MTF2: variants seen among roughly 807,000 people sequenced by gnomAD.
The protein encoded by MTF2 is metal-response element-binding transcription factor 2.
Under a neutral mutation model 79.5 loss-of-function variants are expected in MTF2, and 11 were observed. That is an observed-to-expected ratio of 0.14 (90% CI 0.09 to 0.23). MTF2 has a LOEUF of 0.23. Among genes scored for constraint, MTF2 ranks in the 10% least tolerant of loss-of-function variants. The probability of loss-of-function intolerance (pLI) is 1.00; values close to 1 mark genes in which losing one functional copy is unlikely to be tolerated. For missense variants in MTF2, 486 were observed against 711.2 expected (o/e 0.68, Z 3.60); for synonymous variants, 208 against 232.8 (o/e 0.89, Z 0.97).
intron 1 of MTF2, among the ~76,000 whole-genome samples, chr1:93,085,752 T>C (rs1313190625): frequency 6.6e-6 from 1 of 152,264 alleles, no homozygotes. Context: ...CCTCCTTAGG[T>C]GCTGGGATTA....
At chr1:93,086,624 G>A (rs947959390) in intron 1 of MTF2, among the ~76,000 whole-genome samples, 1 of 151,996 alleles carries the variant, frequency 6.6e-6, no homozygotes, top group Admixed American at 6.6e-5. Flanking sequence ...GGTGAATCTT[G>A]AGATGCAAAG....
At chr1:93,082,380 A>G (rs1287646483) in intron 1 of MTF2, among the ~76,000 whole-genome samples, 1 of 151,458 alleles carries the variant, frequency 6.6e-6, no homozygotes, top group Non-Finnish European at 1.5e-5. Context: ...TCTTGGGCGG[A>G]AGTGATCCTC....
chr1:93,134,091 G>A lies in MTF2; in HGVS notation c.1320G>A (p.Gly440=). ...CACAATTTAAATTCTTTTGTCTCAG[G>A]AGAACTGAGGGAACTGCACATTCAT... ...NPTLDLPCSI[G]RTEGTAHSSN... Residue 440 remains glycine (G), a splice_region_variant and synonymous_variant, in exon 14 of 15, where the codon GGG becomes GGA. Coordinates refer to ENST00000370298, the MANE Select transcript of MTF2 (RefSeq NM_007358.4). 1.2e-6 allele frequency: 2 copies of A among 1,606,564 alleles called. No individual in the cohort carries two copies. Among genetic ancestry groups the A allele is most frequent in the Non-Finnish European group, 8.5e-7 (1 of 1,176,538 alleles).
chr1:93,136,492 A>G (rs1029694838), intron 14 of MTF2, among the ~76,000 whole-genome samples, 178 bp from the exon 15 acceptor site: 2 of 152,212 alleles, frequency 1.3e-5, no homozygotes, highest in African/African-American at 2.4e-5. Flanking sequence ...GACAAAATCT[A>G]AAGTAATGAG....
At chr1:93,104,705 G>A (rs1235632318) in intron 1 of MTF2, among the ~76,000 whole-genome samples, 3 of 147,472 alleles carry the variant, frequency 2.0e-5, no homozygotes, top group Non-Finnish European at 3.0e-5. Context: ...AGTAGATAAA[G>A]ATGAAAAGTT....
intron 6 of MTF2, among the ~76,000 whole-genome samples, chr1:93,117,866 A>T (rs1656312231): frequency 6.7e-6 from 1 of 148,764 alleles, no homozygotes; most frequent in African/African-American, 2.5e-5. Flanking sequence ...AGTTTTACTT[A>T]AAAAAAAAAT....
chr1:93,135,762 G>T (rs532662409), intron 14 of MTF2, among the ~76,000 whole-genome samples: 1 of 152,352 alleles, frequency 6.6e-6, no homozygotes, highest in South Asian at 2.1e-4. Context: ...TGTGAGCCAT[G>T]ATTGTGCCAC....
intron 1 of MTF2, among the ~76,000 whole-genome samples, chr1:93,098,891 G>C (rs1313249743): frequency 6.6e-6 from 1 of 152,130 alleles, no homozygotes; most frequent in Non-Finnish European, 1.5e-5. Context: ...TGTAAAACTA[G>C]GGTATCTGCT....
At chr1:93,121,458 T>G in intron 9 of MTF2, 1 of 967,598 alleles carries the variant, frequency 1.0e-6, no homozygotes, top group Non-Finnish European at 1.2e-6. Flanking sequence ...GTCATGCTTT[T>G]TTTTAGGTAA....
At chr1:93,102,729 G>A (rs546048056) in intron 1 of MTF2, among the ~76,000 whole-genome samples, 1 of 152,170 alleles carries the variant, frequency 6.6e-6, no homozygotes, top group Admixed American at 6.5e-5. Flanking sequence ...TGTGGTGAGA[G>A]TGTGAGTTGG....
chr1:93,131,488 G>A (rs188425963), intron 11 of MTF2, among the ~76,000 whole-genome samples: 11 of 152,228 alleles, frequency 7.2e-5, no homozygotes, highest in Non-Finnish European at 1.3e-4. Flanking sequence ...CTTCTCCTGC[G>A]TATCAGGGAC....
At chr1:93,089,906 G>A (rs1557541553) in intron 1 of MTF2, among the ~76,000 whole-genome samples, 1 of 150,688 alleles carries the variant, frequency 6.6e-6, no homozygotes, top group African/African-American at 2.4e-5. Flanking sequence ...GTGCAGTGGC[G>A]CAATCTTTGC....
In MTF2 at chr1:93,137,276, G is replaced by C. The variant is rs1050529096; in HGVS notation, c.*249G>C. Reference sequence around the variant, plus strand: ...CTTAAGATTTGTAGAATGTTTCTAGGATAGGATATTAAAAATGATTGAAAC... The same window carrying C: ...CTTAAGATTTGTAGAATGTTTCTAGCATAGGATATTAAAAATGATTGAAAC... On this transcript the variant is annotated 3_prime_UTR_variant, in exon 15 of 15. Transcript: ENST00000370298. The C allele has an allele frequency of 3.0e-6, 1 of 331,278 alleles. No individual in the cohort carries two copies. Among genetic ancestry groups the C allele is most frequent in the African/African-American group, 2.1e-5 (1 of 47,740 alleles). 20.5% of individuals were successfully genotyped at this position (331,278 alleles called of 1,614,324 possible).
rs758291787 is a variant in MTF2 at position 93,110,284 on chromosome 1, A to C, written c.60A>C (p.Arg20=). 6.2e-7 allele frequency: 1 copy of C among 1,614,154 alleles called. No individual in the cohort carries two copies. Among genetic ancestry groups the C allele is most frequent in the South Asian group, 1.1e-5 (1 of 91,084 alleles). ...SLVHKRSPLR[R]NQKTPTSLTK... ...TCCACAAGCGGTCTCCTTTACGTCG[A>C]AACCAAAAGACCCCAACATCCTTGA... is the stretch of plus-strand genomic sequence containing the variant. Residue 20 remains arginine (R), a synonymous_variant, in exon 2 of 15, where the codon CGA becomes CGC. Transcript: ENST00000370298.
At chr1:93,102,489 G>A (rs1354616281) in intron 1 of MTF2, among the ~76,000 whole-genome samples, 1 of 152,144 alleles carries the variant, frequency 6.6e-6, no homozygotes, top group African/African-American at 2.4e-5. Context: ...CTGCTTGGGA[G>A]GCTGAAGTGG....
rs543481920 is a variant in MTF2, at chr1:93,129,835, CAGAT to C, written c.1160+392_1160+395del. On this transcript the variant is annotated intron_variant, in intron 11 of 14. Transcript: ENST00000370298. ...ATCTAAGTGCTAGGCAGTACAATGACAGATAGATTTTTCTTCTGCCCTGATGGGG... is the reference window on the plus strand; with the variant it reads ...ATCTAAGTGCTAGGCAGTACAATGACAGATTTTTCTTCTGCCCTGATGGGG... Among the ~76,000 whole-genome samples, 534 of 152,218 alleles carry C rather than the reference CAGAT, an allele frequency of 3.5e-3. 1 individual carries two copies. Among genetic ancestry groups the C allele is most frequent in the Non-Finnish European group, 6.5e-3 (444 of 68,026 alleles).
intron 3 of MTF2, among the ~76,000 whole-genome samples, 172 bp downstream of exon 3, chr1:93,110,798 A>G (rs986185037): frequency 2.6e-5 from 4 of 152,230 alleles, no homozygotes; most frequent in Non-Finnish European, 4.4e-5. Context: ...AAGAAGAACA[A>G]GAATACTCTA....
intron 1 of MTF2, among the ~76,000 whole-genome samples, chr1:93,080,028 A>G (rs1654535774): frequency 6.6e-6 from 1 of 151,888 alleles, no homozygotes; most frequent in Non-Finnish European, 1.5e-5. Context: ...AATTGGAGTA[A>G]AGGGGGTCGA....
intron 8 of MTF2, 73 bp downstream of exon 8, chr1:93,119,474 A>C: frequency 8.9e-7 from 1 of 1,129,482 alleles, no homozygotes; most frequent in Non-Finnish European, 1.3e-6. Flanking sequence ...CTTTCTATAT[A>C]CATTTACTTG....
Sources: gnomAD v4.1 joint callset for allele counts (sites outside exome capture counted in the v4.1 genomes callset) on GRCh38, gnomAD v4.1.1 for gene constraint, MANE v1.5 for transcripts, NCBI Gene and HGNC (gene_info 2026-07-23, HGNC 2026-07-21) for gene names.